The following PCCA variants were observed in gnomAD, a reference collection of about 807,000 sequenced individuals.
The protein encoded by PCCA is propionyl-CoA carboxylase subunit alpha.
PCCA carries 74 observed loss-of-function variants against 101.3 expected under a neutral mutation model. That is an observed-to-expected ratio of 0.73 (90% CI 0.61 to 0.89). The LOEUF is 0.89. Among genes scored for constraint, PCCA ranks in the 40% least tolerant of loss-of-function variants. PCCA has a pLI of 0.00. For missense variants in PCCA, 891 were observed against 907.0 expected, an observed-to-expected ratio of 0.98 and a Z score of 0.23; for synonymous variants, 294 against 313.6, an observed-to-expected ratio of 0.94 and a Z score of 0.66.
intron 6 of PCCA, among the ~76,000 whole-genome samples, chr13:100,208,447 A>G (rs555474671): frequency 2.0e-5 from 3 of 152,210 alleles, no homozygotes; most frequent in Non-Finnish European, 2.9e-5. Context: ...ATCAGCAGTT[A>G]GGCGCCTTCC....
chr13:100,462,379 A>G (rs974838977), intron 21 of PCCA, among the ~76,000 whole-genome samples: 2 of 152,206 alleles, frequency 1.3e-5, no homozygotes, highest in Non-Finnish European at 1.5e-5. Context: ...TGCCTGCTAT[A>G]CTATGTGCTA....
intron 1 of PCCA, among the ~76,000 whole-genome samples, chr13:100,095,923 G>T (rs115860403): frequency 9.3e-4 from 142 of 152,252 alleles, no homozygotes; most frequent in African/African-American, 3.4e-3. Flanking sequence ...AGTAGGATTG[G>T]GGACTGGGGT....
chr13:100,217,877 C>T (rs1018612761), intron 7 of PCCA, among the ~76,000 whole-genome samples: 1 of 150,162 alleles, frequency 6.7e-6, no homozygotes, highest in African/African-American at 2.5e-5. Context: ...AGTTCAAGAC[C>T]AGCCTGGCCA....
chr13:100,154,886 G>C lies in PCCA; in HGVS notation c.301-93G>C, dbSNP rs1209360752. 5 of 845,122 alleles carry C rather than the reference G, an allele frequency of 5.9e-6. No individual in the cohort carries two copies. In the East Asian group the frequency reaches 1.2e-4, roughly 20 times the overall value. The allele number at this position is 845,122 out of a possible 1,614,324, so 52.4% of individuals were successfully genotyped here. A position where few individuals can be genotyped will look rare whatever the true frequency, so the allele number is the denominator to read the frequency against. ...AATACGACTCTATAAATGATAGGCA[G>C]AACAATCAGATTTGCAATTTTGTGT... is the stretch of plus-strand genomic sequence containing the variant. On this transcript the variant is annotated intron_variant, in intron 4 of 23. Transcript: ENST00000376285.
At chr13:100,295,311 T>A (rs760697762) in intron 12 of PCCA, among the ~76,000 whole-genome samples, 2 of 152,208 alleles carry the variant, frequency 1.3e-5, no homozygotes, top group African/African-American at 2.4e-5. Context: ...CAAACACTTA[T>A]GAAACTGAAT....
chr13:100,494,770 G>T (rs921000341), intron 21 of PCCA, among the ~76,000 whole-genome samples: 2 of 151,922 alleles, frequency 1.3e-5, no homozygotes, highest in Admixed American at 6.6e-5. Flanking sequence ...TGCCCGGCCC[G>T]CTGGCTTCCT....
At chr13:100,237,072 A>G (rs1307015948) in intron 8 of PCCA, 1 of 152,152 alleles carries the variant, frequency 6.6e-6, no homozygotes, top group Admixed American at 6.5e-5. Flanking sequence ...ATTTAGATCT[A>G]TTTTCTGCCT....
At chr13:100,346,193 A>G (rs895035658) in intron 18 of PCCA, among the ~76,000 whole-genome samples, 1 of 152,222 alleles carries the variant, frequency 6.6e-6, no homozygotes, top group East Asian at 1.9e-4. Context: ...GCTGCCATAA[A>G]TAGTGATTCC....
intron 12 of PCCA, among the ~76,000 whole-genome samples, chr13:100,277,187 G>A (rs1004118203): frequency 6.6e-6 from 1 of 152,068 alleles, no homozygotes; most frequent in African/African-American, 2.4e-5. Flanking sequence ...CTTATCTTGA[G>A]GTTGCATTCC....
At chr13:100,252,006 G>GC (rs386380448) in intron 8 of PCCA, among the ~76,000 whole-genome samples, 1 of 151,870 alleles carries the variant, frequency 6.6e-6, no homozygotes, top group East Asian at 1.9e-4. Flanking sequence ...GGCTGAGGGG[G>GC]TTCAAAAGGC....
At chr13:100,511,338 T>C (rs892483201) in intron 21 of PCCA, among the ~76,000 whole-genome samples, 8 of 152,216 alleles carry the variant, frequency 5.3e-5, no homozygotes, top group African/African-American at 1.9e-4. Flanking sequence ...TGAGTGTTGC[T>C]CTCACTGCCA....
chr13:100,382,057 C>T (rs1299555015), intron 19 of PCCA, among the ~76,000 whole-genome samples: 1 of 152,262 alleles, frequency 6.6e-6, no homozygotes, highest in Non-Finnish European at 1.5e-5. Flanking sequence ...TGCTGCTGCC[C>T]TCCACCAGCG....
At chr13:100,179,924 G>C (rs2056634596) in intron 6 of PCCA, among the ~76,000 whole-genome samples, 1 of 152,178 alleles carries the variant, frequency 6.6e-6, no homozygotes, top group Non-Finnish European at 1.5e-5. Flanking sequence ...AATGAGATTT[G>C]AGACATAGAA....
At chr13:100,282,487 C>T (rs772359633) in intron 12 of PCCA, among the ~76,000 whole-genome samples, 2 of 152,186 alleles carry the variant, frequency 1.3e-5, no homozygotes, top group African/African-American at 2.4e-5. Flanking sequence ...TCGGCACTTG[C>T]GGGCCAGCTG....
At chr13:100,501,935 G>A (rs1378499710) in intron 21 of PCCA, among the ~76,000 whole-genome samples, 1 of 151,520 alleles carries the variant, frequency 6.6e-6, no homozygotes, top group Non-Finnish European at 1.5e-5. Flanking sequence ...AAACTCAGGT[G>A]GGGGGCCTAG....
At chr13:100,118,927 A>G (rs1270701317) in intron 4 of PCCA, among the ~76,000 whole-genome samples, 1 of 152,112 alleles carries the variant, frequency 6.6e-6, no homozygotes, top group Non-Finnish European at 1.5e-5. Flanking sequence ...TATGCTAAGT[A>G]TGATCATTTG....
At chr13:100,202,359 T>A (rs1159469774) in intron 6 of PCCA, among the ~76,000 whole-genome samples, 1 of 152,012 alleles carries the variant, frequency 6.6e-6, no homozygotes, top group Non-Finnish European at 1.5e-5. Context: ...AATTATTAGC[T>A]CATACTTTCT....
chr13:100,286,139 G>T (rs2064623902), intron 12 of PCCA, among the ~76,000 whole-genome samples: 1 of 152,206 alleles, frequency 6.6e-6, no homozygotes, highest in Admixed American at 6.5e-5. Context: ...GGGGTATGAG[G>T]AACGGGACTA....
At chr13:100,201,647 T>C (rs2058499452) in intron 6 of PCCA, among the ~76,000 whole-genome samples, 1 of 151,530 alleles carries the variant, frequency 6.6e-6, no homozygotes, top group African/African-American at 2.4e-5. Flanking sequence ...TCATCTGAAG[T>C]AGGAGTTTGA....
Sources: allele counts gnomAD v4.1 joint callset (sites outside exome capture counted in the v4.1 genomes callset), GRCh38; gene constraint gnomAD v4.1.1; transcripts MANE v1.5; gene names NCBI Gene and HGNC (gene_info 2026-07-23, HGNC 2026-07-21).